CRIM1: variants seen among roughly 807,000 people sequenced by gnomAD.
The protein encoded by CRIM1 is cysteine-rich motor neuron 1 protein.
In CRIM1, 32 loss-of-function variants were observed where a neutral mutation model predicts 116.4. The observed-to-expected ratio is 0.27, with a 90% confidence interval of 0.21 to 0.37. CRIM1 has a LOEUF of 0.37. Among genes scored for constraint, CRIM1 ranks in the 10% least tolerant of loss-of-function variants. The pLI, the probability that CRIM1 is intolerant of heterozygous loss-of-function variation, is 1.00. For synonymous variants in CRIM1, 590 were observed against 509.2 expected (o/e 1.16, Z -2.13); for missense variants, 1,331 against 1,354.8 (o/e 0.98, Z 0.28).
At chr2:36,482,493 A>G (rs1185691417) in intron 7 of CRIM1, among the ~76,000 whole-genome samples, 1 of 152,238 alleles carries the variant, frequency 6.6e-6, no homozygotes, top group African/African-American at 2.4e-5. Context: ...GATCATTTGA[A>G]GACATTTTTT....
At chr2:36,400,954 AG>A (rs1235061371) in intron 2 of CRIM1, among the ~76,000 whole-genome samples, 3 of 152,094 alleles carry the variant, frequency 2.0e-5, no homozygotes, top group African/African-American at 7.2e-5. Flanking sequence ...AGTAGTTTAT[AG>A]TATTAAGGGT....
At chr2:36,388,164 G>C (rs1391601697) in intron 1 of CRIM1, among the ~76,000 whole-genome samples, 1 of 152,066 alleles carries the variant, frequency 6.6e-6, no homozygotes, top group Non-Finnish European at 1.5e-5. Context: ...GTTGTGTAAT[G>C]ACAGAGTGCT....
At chr2:36,524,726 A>G (rs1033372740) in intron 13 of CRIM1, among the ~76,000 whole-genome samples, 2 of 152,248 alleles carry the variant, frequency 1.3e-5, no homozygotes, top group Admixed American at 6.5e-5. Context: ...GTGATAGTAG[A>G]TAATCATCTC....
At chr2:36,485,084 C>T (rs1455011950) in intron 7 of CRIM1, among the ~76,000 whole-genome samples, 1 of 152,220 alleles carries the variant, frequency 6.6e-6, no homozygotes, top group East Asian at 1.9e-4. Flanking sequence ...TATCAGATAC[C>T]CAGCTGAGTT....
In CRIM1 at chr2:36,537,465, C is replaced by G; in HGVS notation, c.2542C>G (p.Leu848Val). The G allele has an allele frequency of 1.2e-6, 2 of 1,614,234 alleles. No homozygotes were observed. Among genetic ancestry groups the G allele is most frequent in the Non-Finnish European group, 1.7e-6 (2 of 1,180,038 alleles). ...CTGCTACTGCCTGCAGGGCCAGACC[C>G]TCTGCTCGACCGTCAGCTGCCCCCC... Reference protein sequence around the residue: ...THCYCLQGQTLCSTVSCPPLP... With the variant: ...THCYCLQGQTVCSTVSCPPLP... Residue 848 changes from leucine to valine, a missense_variant, in exon 14 of 17, where the codon CTC becomes GTC. Leu to Val is a conservative substitution (Grantham distance 32). Transcript: ENST00000280527.
At chr2:36,423,821 A>C (rs545762732) in intron 2 of CRIM1, among the ~76,000 whole-genome samples, 4 of 152,218 alleles carry the variant, frequency 2.6e-5, no homozygotes, top group Non-Finnish European at 5.9e-5. Flanking sequence ...GTATTAGTCT[A>C]AGCCATTGAT....
chr2:36,359,834 C>G (rs1001938592), intron 1 of CRIM1, among the ~76,000 whole-genome samples: 1 of 152,072 alleles, frequency 6.6e-6, no homozygotes, highest in African/African-American at 2.4e-5. Context: ...CTAGAAAGTG[C>G]TTTTTGGAAC....
chr2:36,367,254 A>C (rs1332240659), intron 1 of CRIM1, among the ~76,000 whole-genome samples: 1 of 152,218 alleles, frequency 6.6e-6, no homozygotes, highest in Non-Finnish European at 1.5e-5. Context: ...TATCACATCA[A>C]AATGAAAGAC....
intron 5 of CRIM1, among the ~76,000 whole-genome samples, chr2:36,467,821 A>G (rs1436235496): frequency 6.6e-6 from 1 of 152,156 alleles, no homozygotes; most frequent in African/African-American, 2.4e-5. Context: ...CGCTGTTCTT[A>G]TTTTCAAAGA....
chr2:36,473,869 G>T (rs954970747), intron 5 of CRIM1, among the ~76,000 whole-genome samples: 1 of 152,028 alleles, frequency 6.6e-6, no homozygotes, highest in South Asian at 2.1e-4. Context: ...TTTCTCTTGG[G>T]TATATACCTA....
chr2:36,466,407 C>T (rs1429502687), intron 5 of CRIM1, among the ~76,000 whole-genome samples: 1 of 152,178 alleles, frequency 6.6e-6, no homozygotes, highest in East Asian at 1.9e-4. Context: ...ATCCATTAAA[C>T]ACAAGCAAAT....
chr2:36,501,109 C>G (rs1008461197), intron 8 of CRIM1, among the ~76,000 whole-genome samples: 1 of 152,114 alleles, frequency 6.6e-6, no homozygotes, highest in African/African-American at 2.4e-5. Flanking sequence ...GACATTTGGC[C>G]TATTTTCTTA....
intron 1 of CRIM1, among the ~76,000 whole-genome samples, chr2:36,393,570 C>T (rs1365855225): frequency 3.9e-5 from 6 of 152,044 alleles, no homozygotes; most frequent in African/African-American, 1.2e-4. Flanking sequence ...TTATGGCTTA[C>T]ATAAAACCAC....
chr2:36,363,003 G>C (rs1669329729), intron 1 of CRIM1, among the ~76,000 whole-genome samples: 1 of 151,924 alleles, frequency 6.6e-6, no homozygotes, highest in South Asian at 2.1e-4. Flanking sequence ...TTCAAGACTA[G>C]TCTGGCCAAC....
At chr2:36,443,797 T>C (rs1268109757) in intron 4 of CRIM1, among the ~76,000 whole-genome samples, 2 of 152,220 alleles carry the variant, frequency 1.3e-5, no homozygotes, top group African/African-American at 4.8e-5. Context: ...TCCTTCTTTC[T>C]TCTCATAAAA....
At chr2:36,475,505 A>G (rs1678901138) in intron 5 of CRIM1, among the ~76,000 whole-genome samples, 1 of 152,222 alleles carries the variant, frequency 6.6e-6, no homozygotes, top group Non-Finnish European at 1.5e-5. Flanking sequence ...GTTTACATAC[A>G]AGATCATGTC....
chr2:36,445,971 A>G (rs1572748868), intron 4 of CRIM1, among the ~76,000 whole-genome samples: 1 of 152,358 alleles, frequency 6.6e-6, no homozygotes, highest in East Asian at 1.9e-4. Flanking sequence ...CATACTTATA[A>G]GAGCATTGTT....
At chr2:36,419,259 A>T (rs1259127769) in intron 2 of CRIM1, among the ~76,000 whole-genome samples, 2 of 152,232 alleles carry the variant, frequency 1.3e-5, no homozygotes, top group Non-Finnish European at 2.9e-5. Flanking sequence ...ACTCTCTGCA[A>T]CATTAAAACA....
rs116701342 is a variant in CRIM1, at chr2:36,422,916, G to A, written c.506-18342G>A. Among the ~76,000 whole-genome samples the A allele has an allele frequency of 7.5e-3, 1,141 of 152,240 alleles. 9 individuals are homozygous for A. Among genetic ancestry groups the A allele is most frequent in the South Asian group, 0.013 (63 of 4,822 alleles). On this transcript the variant is annotated intron_variant, in intron 2 of 16. Coordinates refer to ENST00000280527, the MANE Select transcript of CRIM1 (RefSeq NM_016441.3). The stretch of plus-strand genomic sequence containing the variant: ...AGTTTCCTTAGATATGTCACACCAA[G>A]GACTGGTTACAGAAATACTGCAGTG...
Sources: gnomAD v4.1 joint callset for allele counts (sites outside exome capture counted in the v4.1 genomes callset) on GRCh38, gnomAD v4.1.1 for gene constraint, MANE v1.5 for transcripts, NCBI Gene and HGNC (gene_info 2026-07-23, HGNC 2026-07-21) for gene names.